Variants in IMMP2L observed in about 807,000 individuals in gnomAD.
IMMP2L encodes mitochondrial inner membrane protease subunit 2.
Under a neutral mutation model 19.3 loss-of-function variants are expected in IMMP2L, and 18 were observed. The observed-to-expected ratio is 0.93, with a 90% CI of 0.64 to 1.38. The LOEUF (loss-of-function observed/expected upper bound fraction) is 1.38, where lower values mean the gene tolerates loss of function less well. IMMP2L is among the 40% of genes most tolerant of loss of function. The pLI is 0.00. For synonymous variants in IMMP2L, 76 were observed against 73.0 expected (o/e 1.04, Z -0.21); for missense variants, 233 against 218.2 (o/e 1.07, Z -0.43).
intron 3 of IMMP2L, among the ~76,000 whole-genome samples, chr7:111,027,663 C>T (rs1826989417): frequency 6.6e-6 from 1 of 151,884 alleles, no homozygotes; most frequent in Admixed American, 6.6e-5. Flanking sequence ...GCAAAAATGA[C>T]TACTATGCAA....
chr7:111,064,828 C>T lies in IMMP2L; in HGVS notation c.240-101263G>A, dbSNP rs138953897. Reference sequence around the variant, plus strand: ...TCAAGATGAAAGCAGTCTACTACTCCGCAATGGAGACGAGGAAGAGTAGGC... The same window carrying T: ...TCAAGATGAAAGCAGTCTACTACTCTGCAATGGAGACGAGGAAGAGTAGGC... On this transcript the variant is annotated intron_variant, in intron 3 of 5. Coordinates refer to ENST00000405709, the MANE Select transcript of IMMP2L (RefSeq NM_032549.4). Among the ~76,000 whole-genome samples, 5 of 152,282 alleles carry T rather than the reference C, an allele frequency of 3.3e-5. No homozygotes were observed. The East Asian group carries it at 7.7e-4, about 23-fold the overall frequency.
intron 3 of IMMP2L, among the ~76,000 whole-genome samples, chr7:111,422,437 A>G (rs983217972): frequency 2.0e-5 from 3 of 150,612 alleles, no homozygotes; most frequent in African/African-American, 4.9e-5. Flanking sequence ...AGGTCACCAC[A>G]TCCCTTGGAA....
At chr7:110,722,627 A>T (rs936436772) in intron 5 of IMMP2L, among the ~76,000 whole-genome samples, 3 of 152,162 alleles carry the variant, frequency 2.0e-5, no homozygotes, top group Non-Finnish European at 4.4e-5. Context: ...ATTGTACTCA[A>T]TGTGAAAATA....
chr7:111,097,869 T>G (rs984779312), intron 3 of IMMP2L, among the ~76,000 whole-genome samples: 1 of 151,862 alleles, frequency 6.6e-6, no homozygotes, highest in African/African-American at 2.4e-5. Flanking sequence ...TCAATATATA[T>G]CTACACAGAT....
intron 3 of IMMP2L, among the ~76,000 whole-genome samples, chr7:111,131,844 A>G (rs1338815012): frequency 6.6e-6 from 1 of 151,930 alleles, no homozygotes; most frequent in Admixed American, 6.6e-5. Flanking sequence ...ATGAATGCAT[A>G]TTAACTGTAA....
chr7:110,797,094 G>C (rs1172704990), intron 5 of IMMP2L, among the ~76,000 whole-genome samples: 1 of 151,814 alleles, frequency 6.6e-6, no homozygotes, highest in Non-Finnish European at 1.5e-5. Flanking sequence ...AGGATCTATG[G>C]AACTTTGATT....
At chr7:111,313,083 G>T (rs1296441526) in intron 3 of IMMP2L, among the ~76,000 whole-genome samples, 1 of 152,080 alleles carries the variant, frequency 6.6e-6, no homozygotes, top group Non-Finnish European at 1.5e-5. Flanking sequence ...GTGCCACTGG[G>T]AATGCTCTGT....
chr7:110,744,829 A>G (rs1244702099), intron 5 of IMMP2L, among the ~76,000 whole-genome samples: 2 of 152,226 alleles, frequency 1.3e-5, no homozygotes, highest in Non-Finnish European at 2.9e-5. Context: ...TCCAAAAACC[A>G]GAATGCTTCT....
chr7:111,308,152 C>G (rs1823088739), intron 3 of IMMP2L, among the ~76,000 whole-genome samples: 1 of 151,706 alleles, frequency 6.6e-6, no homozygotes, highest in Non-Finnish European at 1.5e-5. Flanking sequence ...GAAAAAAATC[C>G]CAGGCTAAAA....
intron 3 of IMMP2L, among the ~76,000 whole-genome samples, chr7:111,310,859 A>G (rs1823438104): frequency 6.6e-6 from 1 of 152,216 alleles, no homozygotes. Context: ...GAACACATCT[A>G]GAAGAGTATC....
intron 3 of IMMP2L, among the ~76,000 whole-genome samples, chr7:111,028,372 C>A (rs1210945827): frequency 6.6e-6 from 1 of 152,034 alleles, no homozygotes. Context: ...CTTGGACTCT[C>A]CCACATTCTC....
chr7:111,000,791 C>G (rs2129561244), intron 3 of IMMP2L, among the ~76,000 whole-genome samples: 1 of 151,380 alleles, frequency 6.6e-6, no homozygotes, highest in Non-Finnish European at 1.5e-5. Context: ...TTGCAGTGAG[C>G]TGAGATAGTG....
chr7:111,100,235 G>A (rs538624903), intron 3 of IMMP2L, among the ~76,000 whole-genome samples: 1 of 151,520 alleles, frequency 6.6e-6, no homozygotes, highest in African/African-American at 2.4e-5. Flanking sequence ...CATCACCCAA[G>A]CAGTGTACAC....
chr7:111,517,914 C>T lies in IMMP2L; in HGVS notation c.135+3399G>A, dbSNP rs376725670. Among the ~76,000 whole-genome samples the T allele has an allele frequency of 2.5e-4, 38 of 152,118 alleles. No individual in the cohort carries two copies. In the East Asian group the frequency reaches 3.9e-3, roughly 15 times the overall value. ...CAATTTGTGCCAGCATTTATTGTGT[C>T]GAGCATTGCAAAAGGGACAACTCAT... On this transcript the variant is annotated intron_variant, in intron 2 of 5. Coordinates refer to ENST00000405709, the MANE Select transcript of IMMP2L (RefSeq NM_032549.4).
At chr7:110,846,353 T>C (rs1352164808) in intron 5 of IMMP2L, among the ~76,000 whole-genome samples, 10 of 123,672 alleles carry the variant, frequency 8.1e-5, no homozygotes, top group African/African-American at 1.7e-4. Context: ...GATTTCTTTT[T>C]TTTTTTTTTT....
chr7:110,714,235 T>TG (rs1795093714), intron 5 of IMMP2L, among the ~76,000 whole-genome samples: 1 of 152,198 alleles, frequency 6.6e-6, no homozygotes, highest in South Asian at 2.1e-4. Context: ...TTTATTGACT[T>TG]GCGTATGTTG....
intron 1 of IMMP2L, among the ~76,000 whole-genome samples, chr7:111,557,882 A>G (rs1379217141): frequency 1.3e-5 from 2 of 152,134 alleles, no homozygotes; most frequent in Admixed American, 1.3e-4. Flanking sequence ...CAATGAAAGA[A>G]CAAGAAAATC....
chr7:110,724,536 T>C (rs1437824018), intron 5 of IMMP2L: 3 of 152,174 alleles, frequency 2.0e-5, no homozygotes, highest in Admixed American at 2.0e-4. Flanking sequence ...GTAACTTCTT[T>C]TAAAGTAATG....
chr7:110,980,686 T>G (rs768190030), intron 3 of IMMP2L, among the ~76,000 whole-genome samples: 15 of 152,198 alleles, frequency 9.9e-5, no homozygotes, highest in Non-Finnish European at 2.1e-4. Flanking sequence ...CAACCATTTT[T>G]TAAAACTTTC....
Sources: gnomAD v4.1 joint callset for allele counts (sites outside exome capture counted in the v4.1 genomes callset) on GRCh38, gnomAD v4.1.1 for gene constraint, MANE v1.5 for transcripts, NCBI Gene and HGNC (gene_info 2026-07-23, HGNC 2026-07-21) for gene names.